ABLIM1: variants seen among roughly 807,000 people sequenced by gnomAD.
ABLIM1 encodes the protein actin-binding LIM protein 1.
A neutral mutation model predicts 107.0 loss-of-function variants in ABLIM1; 40 were observed. The observed-to-expected ratio is 0.37, with a 90% CI of 0.29 to 0.49. ABLIM1 has a LOEUF of 0.49. Among genes scored for constraint, ABLIM1 ranks in the 20% least tolerant of loss-of-function variants. The pLI is 0.97. For synonymous variants in ABLIM1, 357 were observed against 357.3 expected (o/e 1.00, Z 0.01); for missense variants, 857 against 1,008.5 (o/e 0.85, Z 2.04).
intron 1 of ABLIM1, among the ~76,000 whole-genome samples, chr10:114,720,486 A>G (rs1432741683): frequency 1.3e-5 from 2 of 152,066 alleles, no homozygotes; most frequent in Admixed American, 1.3e-4. Context: ...TTACTTTCCC[A>G]ACAACAGTGT....
intron 7 of ABLIM1, among the ~76,000 whole-genome samples, chr10:114,490,598 C>G (rs183243760): frequency 2.6e-5 from 4 of 151,970 alleles, no homozygotes; most frequent in Admixed American, 6.5e-5. Flanking sequence ...ATTAATAAAC[C>G]CTTGTTTGAT....
upstream of ABLIM1, among the ~76,000 whole-genome samples, chr10:114,769,065 G>A (rs1201023455): frequency 1.3e-5 from 2 of 151,168 alleles, no homozygotes; most frequent in African/African-American, 4.9e-5. Flanking sequence ...CGGGTGTGGT[G>A]GCTCACTCAT....
At chr10:114,443,987 G>T in intron 17 of ABLIM1, 42 bp downstream of exon 17, 1 of 1,518,582 alleles carries the variant, frequency 6.6e-7, no homozygotes, top group Non-Finnish European at 9.0e-7. Flanking sequence ...CAAGCAGGTG[G>T]CTGGCTCTCG....
intron 1 of ABLIM1, among the ~76,000 whole-genome samples, chr10:114,612,406 A>G (rs1472412911): frequency 6.6e-6 from 1 of 152,232 alleles, no homozygotes; most frequent in African/African-American, 2.4e-5. Context: ...CTCAGGAACC[A>G]TAAGAAATAA....
intron 2 of ABLIM1, among the ~76,000 whole-genome samples, chr10:114,599,424 C>T (rs1437107877): frequency 1.3e-5 from 2 of 152,176 alleles, no homozygotes; most frequent in East Asian, 3.9e-4. Context: ...ATGTGTTGAA[C>T]AGTGAGTGCC....
At chr10:114,704,709 G>T (rs537548437) in intron 1 of ABLIM1, among the ~76,000 whole-genome samples, 21 of 152,020 alleles carry the variant, frequency 1.4e-4, no homozygotes, top group Non-Finnish European at 3.1e-4. Flanking sequence ...GGGGTCCAAG[G>T]CCTTTTCTCT....
upstream of ABLIM1, among the ~76,000 whole-genome samples, chr10:114,659,446 G>C (rs938400321): frequency 1.3e-5 from 2 of 152,146 alleles, no homozygotes; most frequent in African/African-American, 4.8e-5. Context: ...GAGTCCAGGA[G>C]TTTGAGGTTA....
chr10:114,786,764 C>T, the ABLIM1 span, among the ~76,000 whole-genome samples: 776 of 152,320 alleles, frequency 5.1e-3, 11 homozygotes, highest in East Asian at 0.063. Context: ...CCCGAGGTGC[C>T]GGGATTGCAG....
intron 19 of ABLIM1, chr10:114,440,796 G>A (rs199775793): frequency 1.7e-5 from 11 of 653,040 alleles, no homozygotes; most frequent in South Asian, 1.5e-5. Flanking sequence ...CACATAGTAT[G>A]AGCAATGAAT....
intron 8 of ABLIM1, among the ~76,000 whole-genome samples, chr10:114,481,286 C>G (rs1256837736): frequency 6.6e-6 from 1 of 151,872 alleles, no homozygotes; most frequent in Non-Finnish European, 1.5e-5. Context: ...CCCCTGCCCT[C>G]CCCCCATTCA....
chr10:114,788,560 T>G, the ABLIM1 span, among the ~76,000 whole-genome samples: 1 of 151,968 alleles, frequency 6.6e-6, no homozygotes, highest in African/African-American at 2.4e-5. Context: ...AAACCCCGTC[T>G]CTACTAAAAA....
At chr10:114,704,073 C>G (rs1490138792) in intron 1 of ABLIM1, among the ~76,000 whole-genome samples, 1 of 151,930 alleles carries the variant, frequency 6.6e-6, no homozygotes, top group African/African-American at 2.4e-5. Flanking sequence ...ACAGGAATCA[C>G]TTTTTATTTT....
intron 1 of ABLIM1, among the ~76,000 whole-genome samples, chr10:114,621,327 C>CT (rs2077451819): frequency 6.6e-6 from 1 of 152,154 alleles, no homozygotes. Context: ...AAAGTGAGTG[C>CT]TTTCAGGTCA....
chr10:114,718,114 A>AAG, intron 1 of ABLIM1, among the ~76,000 whole-genome samples: 1 of 79,554 alleles, frequency 1.3e-5, no homozygotes, highest in African/African-American at 3.6e-5. Context: ...AGAAAAAGAA[A>AAG]GAAAGAAAAA....
the ABLIM1 span, among the ~76,000 whole-genome samples, chr10:114,781,452 C>A: frequency 6.6e-6 from 1 of 150,882 alleles, no homozygotes; most frequent in Non-Finnish European, 1.5e-5. Flanking sequence ...TGCAGTGAGC[C>A]GAGATCATGC....
chr10:114,746,367 A>G (rs1016776526), intron 1 of ABLIM1, among the ~76,000 whole-genome samples: 2 of 152,150 alleles, frequency 1.3e-5, no homozygotes, highest in African/African-American at 2.4e-5. Flanking sequence ...GGCTTATTTC[A>G]CTTAGCATTG....
chr10:114,652,261 T>G (rs771229912), intron 1 of ABLIM1, among the ~76,000 whole-genome samples: 2 of 152,224 alleles, frequency 1.3e-5, no homozygotes, highest in Non-Finnish European at 2.9e-5. Flanking sequence ...TGGCCTACTA[T>G]ACCCAAGACG....
chr10:114,706,592 GGA>G (rs1288636742), intron 1 of ABLIM1, among the ~76,000 whole-genome samples: 2 of 152,182 alleles, frequency 1.3e-5, no homozygotes, highest in African/African-American at 4.8e-5. Flanking sequence ...GTCTGAAGGA[GGA>G]GAGAGAACCA....
intron 1 of ABLIM1, among the ~76,000 whole-genome samples, chr10:114,667,823 T>C (rs976792159): frequency 2.0e-5 from 3 of 152,216 alleles, no homozygotes; most frequent in Non-Finnish European, 2.9e-5. Flanking sequence ...CTCATCCATA[T>C]TCCCCCATTG....
Sources: gnomAD v4.1 joint callset for allele counts (sites outside exome capture counted in the v4.1 genomes callset) on GRCh38, gnomAD v4.1.1 for gene constraint, MANE v1.5 for transcripts, NCBI Gene and HGNC (gene_info 2026-07-23, HGNC 2026-07-21) for gene names.